The following SESN3 variants were observed in gnomAD, a reference collection of about 807,000 sequenced individuals.
SESN3 encodes the protein sestrin 3.
Under a neutral mutation model 55.3 loss-of-function variants are expected in SESN3, and 21 were observed. That is an observed-to-expected ratio of 0.38 (90% CI 0.27 to 0.55). The LOEUF is 0.55. Ranked by LOEUF, SESN3 falls within the 20% of genes least tolerant of loss-of-function variation. The probability of loss-of-function intolerance (pLI) is 0.76; values close to 1 mark genes in which losing one functional copy is unlikely to be tolerated. For synonymous variants in SESN3, 181 were observed against 203.1 expected (o/e 0.89, Z 0.93); for missense variants, 408 against 604.3 (o/e 0.68, Z 3.41).
intron 1 of SESN3, among the ~76,000 whole-genome samples, chr11:95,206,130 G>A (rs75679372): frequency 0.045 from 6,815 of 151,906 alleles, 205 homozygotes; most frequent in East Asian, 0.11. Flanking sequence ...TTTTGTGAAA[G>A]AGAAGATAAA....
In SESN3 at chr11:95,168,434, A is replaced by C. The variant is rs1171228026; in HGVS notation, c.*4821T>G. The stretch of plus-strand genomic sequence containing the variant: ...ATCATGTATAAATATAAAGTTTCCT[A>C]CTTTGATAGAAGGCAAAAATCTTTT... On this transcript the variant is annotated 3_prime_UTR_variant, in exon 10 of 10. Coordinates refer to ENST00000536441, the MANE Select transcript of SESN3 (RefSeq NM_144665.4). The C allele has an allele frequency of 6.6e-6, 1 of 152,212 alleles. No homozygotes were observed. The highest frequency in any genetic ancestry group is 2.4e-5 in the African/African-American group (1 of 41,454). 9.4% of individuals were successfully genotyped at this position (152,212 alleles called of 1,614,324 possible). A position where few individuals can be genotyped will look rare whatever the true frequency, so the allele number is the denominator to read the frequency against.
chr11:95,173,258 G>T lies in SESN3; in HGVS notation c.1476C>A (p.Thr492=). Residue 492 remains threonine, a synonymous_variant, in exon 10 of 10, where the codon ACC becomes ACA. Coordinates refer to ENST00000536441, the MANE Select transcript of SESN3 (RefSeq NM_144665.4). ...GACATTTTCCTTGGGTGATACTTCA[G>T]GTCAAATGCCGAGTTATGGCACGAA... ...YALRAITRHL[T] is the part of the protein sequence containing the mutation. 1 of 1,565,914 alleles carries T rather than the reference G, an allele frequency of 6.4e-7. No homozygotes were observed. The highest frequency in any genetic ancestry group is 8.8e-7 in the Non-Finnish European group (1 of 1,142,646).
At position 95,207,073 on chromosome 11, in the gene SESN3, G is replaced by A. The variant is rs867983404; in HGVS notation, c.79-13551C>T. ...GGATTACAGGCATGAACCACCACGC[G>A]CGGCCAACATTACTACTTTTTAAGT... On this transcript the variant is annotated intron_variant, in intron 1 of 9. Coordinates refer to ENST00000536441, the MANE Select transcript of SESN3 (RefSeq NM_144665.4). Among the ~76,000 whole-genome samples, 53 of 152,110 alleles carry A rather than the reference G, an allele frequency of 3.5e-4. No individual in the cohort carries two copies. In the Middle Eastern group the frequency reaches 0.017, roughly 49 times the overall value.
Position 95,169,865 on chromosome 11 carries a change from T to C in SESN3, c.*3390A>G, listed in dbSNP as rs1001474263. On this transcript the variant is annotated 3_prime_UTR_variant, in exon 10 of 10. Coordinates refer to ENST00000536441, the MANE Select transcript of SESN3 (RefSeq NM_144665.4). ...AAGCATTTAAGATCTTTAGGAGACA[T>C]TATAACAACTAAATAGGAGCTCTGG... The C allele has an allele frequency of 6.6e-6, 1 of 152,140 alleles. No individual in the cohort carries two copies. Among genetic ancestry groups the C allele is most frequent in the African/African-American group, 2.4e-5 (1 of 41,440 alleles). 9.4% of individuals were successfully genotyped at this position (152,140 alleles called of 1,614,324 possible).
chr11:95,200,313 C>G (rs1347223579), intron 1 of SESN3, among the ~76,000 whole-genome samples: 2 of 152,032 alleles, frequency 1.3e-5, no homozygotes, highest in Admixed American at 1.3e-4. Flanking sequence ...CTAACTGGAA[C>G]ATAAATTCAG....
At chr11:95,192,886 T>C (rs747926134) in intron 2 of SESN3, among the ~76,000 whole-genome samples, 8 of 152,236 alleles carry the variant, frequency 5.3e-5, no homozygotes, top group Non-Finnish European at 1.2e-4. Context: ...TTGTTTTGCT[T>C]TCCCAGCATA....
At position 95,179,922 on chromosome 11, in the gene SESN3, A is replaced by G. The variant is rs139055384; in HGVS notation, c.938-1094T>C. Among the ~76,000 whole-genome samples the G allele has an allele frequency of 4.1e-4, 62 of 152,300 alleles. 2 individuals are homozygous for G. In the East Asian group the frequency reaches 0.011, roughly 28 times the overall value. On this transcript the variant is annotated intron_variant, in intron 6 of 9. Transcript: ENST00000536441. Reference sequence around the variant, plus strand: ...TTCTGCATACTTGATGACATTAACAATTTACCACTGAAAAAGTTTAAATAT... The same window carrying G: ...TTCTGCATACTTGATGACATTAACAGTTTACCACTGAAAAAGTTTAAATAT...
chr11:95,173,360 T>G lies in SESN3; in HGVS notation c.1393-19A>C. 6.5e-7 allele frequency: 1 copy of G among 1,531,826 alleles called. No homozygotes were observed. The highest frequency in any genetic ancestry group is 9.0e-7 in the Non-Finnish European group (1 of 1,108,578). The allele number at this position is 1,531,826 out of a possible 1,614,324, so 94.9% of individuals were successfully genotyped here. A position where few individuals can be genotyped will look rare whatever the true frequency, so the allele number is the denominator to read the frequency against. ...CATGAACCTAGAAGTGAAAATGTTATCAGTTTAGTAACCATTATAAACACC... is the reference window on the plus strand; with the variant it reads ...CATGAACCTAGAAGTGAAAATGTTAGCAGTTTAGTAACCATTATAAACACC... On this transcript the variant is annotated intron_variant, in intron 9 of 9. Transcript: ENST00000536441.
At chr11:95,229,233 C>T (rs1025231246) in intron 1 of SESN3, among the ~76,000 whole-genome samples, 1 of 152,120 alleles carries the variant, frequency 6.6e-6, no homozygotes, top group Non-Finnish European at 1.5e-5. Context: ...GTTCAGATGA[C>T]ATCTGGCCCT....
At chr11:95,226,349 C>G (rs1396635417) in intron 1 of SESN3, among the ~76,000 whole-genome samples, 1 of 152,176 alleles carries the variant, frequency 6.6e-6, no homozygotes, top group Non-Finnish European at 1.5e-5. Flanking sequence ...ATCAAAAGAT[C>G]TGTTAAAGAC....
At chr11:95,173,454 C>T in intron 9 of SESN3, 113 bp from the exon 10 acceptor site, 1 of 508,032 alleles carries the variant, frequency 2.0e-6, no homozygotes. Context: ...CACACACACA[C>T]ACCTAGGCAT....
At chr11:95,220,111 G>A (rs1434240024) in intron 1 of SESN3, among the ~76,000 whole-genome samples, 2 of 152,144 alleles carry the variant, frequency 1.3e-5, no homozygotes, top group East Asian at 3.8e-4. Flanking sequence ...TAGACTATAG[G>A]GGATGTAGGT....
intron 1 of SESN3, among the ~76,000 whole-genome samples, chr11:95,215,515 C>T (rs1433603472): frequency 6.6e-6 from 1 of 151,990 alleles, no homozygotes; most frequent in African/African-American, 2.4e-5. Context: ...CAATGAAGAC[C>T]GAGTTGATTC....
rs1477485243 is a variant in SESN3, at chr11:95,170,627, A to G, written c.*2628T>C. The stretch of plus-strand genomic sequence containing the variant: ...AAAAAATACCACCCTGGAAAACCGC[A>G]TCAGAATTTCAAGTTTGCATTGGAT... On this transcript the variant is annotated 3_prime_UTR_variant, in exon 10 of 10. Transcript: ENST00000536441. 1 of 152,218 alleles carries G rather than the reference A, an allele frequency of 6.6e-6. No individual in the cohort carries two copies. Among genetic ancestry groups the G allele is most frequent in the African/African-American group, 2.4e-5 (1 of 41,468 alleles). 9.4% of individuals were successfully genotyped at this position (152,218 alleles called of 1,614,324 possible). A position where few individuals can be genotyped will look rare whatever the true frequency, so the allele number is the denominator to read the frequency against.
chr11:95,227,483 C>T (rs557389250), intron 1 of SESN3, among the ~76,000 whole-genome samples: 12 of 151,988 alleles, frequency 7.9e-5, no homozygotes, highest in African/African-American at 2.4e-4. Flanking sequence ...GGATTACAGG[C>T]GTAAGCCACC....
intron 1 of SESN3, among the ~76,000 whole-genome samples, chr11:95,203,084 T>C (rs1348305700): frequency 1.3e-5 from 2 of 152,114 alleles, no homozygotes; most frequent in Non-Finnish European, 2.9e-5. Flanking sequence ...GTTATCTTGG[T>C]GTATGAGGGA....
At chr11:95,206,387 C>CAT (rs1860547626) in intron 1 of SESN3, among the ~76,000 whole-genome samples, 1 of 151,784 alleles carries the variant, frequency 6.6e-6, no homozygotes, top group Admixed American at 6.6e-5. Flanking sequence ...CACACACACA[C>CAT]ACACACACAC....
chr11:95,188,996 A>G (rs777348140), intron 4 of SESN3, among the ~76,000 whole-genome samples: 15 of 151,924 alleles, frequency 9.9e-5, no homozygotes, highest in African/African-American at 2.2e-4. Context: ...AGATTGATAA[A>G]TGCTATGTTT....
At position 95,230,703 on chromosome 11, in the gene SESN3, G is replaced by A; in HGVS notation, c.78+80C>T. 9.5e-7 allele frequency: 1 copy of A among 1,049,866 alleles called. No individual in the cohort carries two copies. Among genetic ancestry groups the A allele is most frequent in the Non-Finnish European group, 1.4e-6 (1 of 703,832 alleles). The allele number at this position is 1,049,866 out of a possible 1,614,324, so 65.0% of individuals were successfully genotyped here. A position where few individuals can be genotyped will look rare whatever the true frequency, so the allele number is the denominator to read the frequency against. Reference sequence around the variant, plus strand: ...GGGATCCCTCTCAGCCTCCCCCAGTGCGCGCCCGGGGACGAGCCGCCCGAG... The same window carrying A: ...GGGATCCCTCTCAGCCTCCCCCAGTACGCGCCCGGGGACGAGCCGCCCGAG... On this transcript the variant is annotated intron_variant, in intron 1 of 9. Coordinates refer to ENST00000536441, the MANE Select transcript of SESN3 (RefSeq NM_144665.4). This position sits in a 1 kb window ranked among gnomAD's most constrained non-coding sequence, Gnocchi z 4.6.
Sources: gnomAD v4.1 joint callset for allele counts (sites outside exome capture counted in the v4.1 genomes callset) on GRCh38, gnomAD v4.1.1 for gene constraint, Gnocchi (gnomAD v3.1) non-coding constraint, MANE v1.5 for transcripts, NCBI Gene and HGNC (gene_info 2026-07-23, HGNC 2026-07-21) for gene names.